The following MBP variants were observed in gnomAD, a reference collection of about 807,000 sequenced individuals.
The protein encoded by MBP is Golli-MBP.
MBP carries 16 observed loss-of-function variants against 35.8 expected under a neutral mutation model. That is an observed-to-expected ratio of 0.45 (90% CI 0.30 to 0.68). The LOEUF (loss-of-function observed/expected upper bound fraction) is 0.68. Ranked by LOEUF, MBP falls within the 30% of genes least tolerant of loss-of-function variation. The probability of loss-of-function intolerance (pLI) is 0.08; values close to 1 mark genes in which losing one functional copy is unlikely to be tolerated. For missense variants in MBP, 380 were observed against 404.7 expected (o/e 0.94, Z 0.52); for synonymous variants, 143 against 159.6 (o/e 0.90, Z 0.78).
Position 77,017,049 on chromosome 18 carries a change from A to G in MBP, c.359T>C (p.Ile120Thr). ...RPSESDELQT[I>T]QEDSAATSES... The stretch of plus-strand genomic sequence containing the variant: ...GGAGGTGGCTGCACTGTCTTCTTGG[A>G]TGGTCTGGAGCTCGTCGGACTCAGA... Residue 120 changes from isoleucine (I) to threonine (T), a missense_variant, in exon 4 of 9, where the codon ATC becomes ACC. By Grantham distance (89) the Ile-to-Thr change is moderately conservative. Coordinates refer to ENST00000355994, the MANE Select transcript of MBP (RefSeq NM_001025101.2). The G allele has an allele frequency of 2.5e-6, 4 of 1,613,714 alleles. No homozygotes were observed. The highest frequency in any genetic ancestry group is 2.5e-6 in the Non-Finnish European group (3 of 1,179,898).
intron 4 of MBP, chr18:77,015,826 G>A (rs1971592285): frequency 1.0e-6 from 1 of 985,444 alleles, no homozygotes. Context: ...ATCAGAATGA[G>A]GCGCTCTGTT....
chr18:77,094,358 C>T (rs901248623), intron 2 of MBP, among the ~76,000 whole-genome samples: 8 of 152,226 alleles, frequency 5.3e-5, no homozygotes, highest in African/African-American at 1.9e-4. Flanking sequence ...GGAAGCACCA[C>T]ACAAGTCAGC....
intron 4 of MBP, among the ~76,000 whole-genome samples, chr18:77,011,973 A>C (rs929847279): frequency 2.0e-5 from 3 of 152,236 alleles, no homozygotes; most frequent in African/African-American, 7.2e-5. Context: ...TTCACCGATC[A>C]GAATTGCCTG....
At chr18:77,000,232 C>G (rs1230675172) in intron 4 of MBP, among the ~76,000 whole-genome samples, 1 of 152,212 alleles carries the variant, frequency 6.6e-6, no homozygotes, top group South Asian at 2.1e-4. Flanking sequence ...AAAAATTCTA[C>G]CACCGAAGGA....
chr18:77,007,992 T>TG (rs1444475526), intron 4 of MBP, among the ~76,000 whole-genome samples: 1 of 152,170 alleles, frequency 6.6e-6, no homozygotes, highest in Non-Finnish European at 1.5e-5. Flanking sequence ...TACCAAAGCC[T>TG]GGGACTCTCA....
At chr18:77,090,493 G>A (rs749115356) in intron 2 of MBP, among the ~76,000 whole-genome samples, 35 of 152,150 alleles carry the variant, frequency 2.3e-4, no homozygotes, top group Middle Eastern at 6.8e-3. Flanking sequence ...CCATTTCCTC[G>A]CCAACAAAAC....
intron 3 of MBP, among the ~76,000 whole-genome samples, chr18:77,060,499 G>A (rs1010096771): frequency 4.6e-4 from 63 of 135,836 alleles, no homozygotes; most frequent in Non-Finnish European, 7.7e-4. Flanking sequence ...TGTTGCCCAG[G>A]CTGGAGTGCA....
chr18:77,082,160 C>A (rs919437817), intron 2 of MBP, among the ~76,000 whole-genome samples: 7 of 152,070 alleles, frequency 4.6e-5, no homozygotes, highest in African/African-American at 1.7e-4. Context: ...CCCATAGCAG[C>A]ATATTTTATA....
rs185262551 is a variant in MBP at position 77,051,218 on chromosome 18, G to A, written c.139+15080C>T. On this transcript the variant is annotated intron_variant, in intron 3 of 8. Coordinates refer to ENST00000355994, the MANE Select transcript of MBP (RefSeq NM_001025101.2). Reference sequence around the variant, plus strand: ...GCATTGTAGCCTTGAAATAAAAATGGCCCAGATACAAAAAGTCAACCTCAT... The same window carrying A: ...GCATTGTAGCCTTGAAATAAAAATGACCCAGATACAAAAAGTCAACCTCAT... Among the ~76,000 whole-genome samples the A allele has an allele frequency of 3.3e-3, 504 of 152,242 alleles. 1 individual carries two copies. The highest frequency in any genetic ancestry group is 5.6e-3 in the Admixed American group (85 of 15,294).
In MBP at chr18:77,131,273, C is replaced by T. The variant is rs1326501501; in HGVS notation, c.-26+1307G>A. ...CAGGGAGCTCAGTGCGGGACCTGCT[C>T]AATCCATACGGTCCCCTGACTTGAG... is the stretch of plus-strand genomic sequence containing the variant. On this transcript the variant is annotated intron_variant, in intron 1 of 8. Coordinates refer to ENST00000355994, the MANE Select transcript of MBP (RefSeq NM_001025101.2). The surrounding 1 kb of genome is among the most constrained non-coding windows in gnomAD (Gnocchi z 5.5). 2.0e-5 allele frequency among the ~76,000 whole-genome samples: 3 copies of T among 152,138 alleles called. No individual in the cohort carries two copies. The highest frequency in any genetic ancestry group is 4.4e-5 in the Non-Finnish European group (3 of 68,032).
At chr18:77,026,074 C>T (rs1972210585) in intron 3 of MBP, among the ~76,000 whole-genome samples, 1 of 152,250 alleles carries the variant, frequency 6.6e-6, no homozygotes, top group African/African-American at 2.4e-5. Context: ...GTTGCTCTTC[C>T]TGTTGAGTTT....
intron 2 of MBP, among the ~76,000 whole-genome samples, chr18:77,094,862 C>G (rs895446353): frequency 6.6e-6 from 1 of 152,102 alleles, no homozygotes. Flanking sequence ...CACAGTTGTT[C>G]AGTTATAAGG....
At chr18:77,069,773 T>C (rs892438682) in intron 2 of MBP, among the ~76,000 whole-genome samples, 2 of 152,180 alleles carry the variant, frequency 1.3e-5, no homozygotes, top group Admixed American at 1.3e-4. Context: ...CGCCAGCTTG[T>C]GCACACGTTG....
intron 2 of MBP, among the ~76,000 whole-genome samples, chr18:77,068,543 T>C (rs1974304768): frequency 6.6e-6 from 1 of 152,222 alleles, no homozygotes; most frequent in South Asian, 2.1e-4. Context: ...GGAGCACTCA[T>C]TCTGTTTTGC....
intron 3 of MBP, among the ~76,000 whole-genome samples, chr18:77,019,677 G>A (rs1395819049): frequency 6.6e-6 from 1 of 152,212 alleles, no homozygotes; most frequent in South Asian, 2.1e-4. Flanking sequence ...TTCACATCAG[G>A]CAAGAGAACA....
chr18:76,983,041 G>A (rs2123054500), intron 8 of MBP: 1 of 152,234 alleles, frequency 6.6e-6, no homozygotes, highest in East Asian at 1.9e-4. Flanking sequence ...TGTTCCTCAG[G>A]GTGGTCTTGG....
intron 1 of MBP, chr18:77,127,736 C>T (rs976939475): frequency 9.9e-5 from 15 of 152,124 alleles, no homozygotes; most frequent in African/African-American, 3.4e-4. Flanking sequence ...ACAGACTTTT[C>T]ACTGAGGAGG....
intron 4 of MBP, among the ~76,000 whole-genome samples, chr18:77,009,234 GTGCTCCTGGCACCTATGTGCT>G (rs1163821028): frequency 2.0e-5 from 3 of 152,164 alleles, no homozygotes; most frequent in Non-Finnish European, 4.4e-5. Flanking sequence ...TTCTTTGTGA[GTGCTCCTGGCACCTATGTGCT>G]TTGAGAAGCC....
chr18:77,003,373 C>A (rs147453908), intron 4 of MBP: 1 of 152,198 alleles, frequency 6.6e-6, no homozygotes, highest in Non-Finnish European at 1.5e-5. Flanking sequence ...TTCATTTCGA[C>A]GGTTTCAGCA....
Sources: allele counts gnomAD v4.1 joint callset (sites outside exome capture counted in the v4.1 genomes callset), GRCh38; gene constraint gnomAD v4.1.1; non-coding constraint Gnocchi (gnomAD v3.1); transcripts MANE v1.5; gene names NCBI Gene and HGNC (gene_info 2026-07-23, HGNC 2026-07-21).